The following KDM4B variants were observed in gnomAD, a reference collection of about 807,000 sequenced individuals.
The protein encoded by KDM4B is lysine-specific demethylase 4B.
Under a neutral mutation model 125.2 loss-of-function variants are expected in KDM4B, and 32 were observed. The observed-to-expected ratio is 0.26, with a 90% CI of 0.19 to 0.34. KDM4B has a LOEUF of 0.34. KDM4B is among the 10% of genes least tolerant of loss of function. KDM4B has a pLI of 1.00. For synonymous variants in KDM4B, 721 were observed against 677.9 expected (o/e 1.06, Z -0.99); for missense variants, 1,190 against 1,577.7 (o/e 0.75, Z 4.16).
rs752323981 is a variant in KDM4B, at chr19:5,119,783, G to A, written c.1246G>A (p.Val416Ile). Residue 416 changes from valine to isoleucine, a missense_variant, in exon 11 of 23, where the codon GTT becomes ATT. This residue lies in a region of KDM4B where 428 missense variants were observed against 405.1 expected (regional missense o/e 1.06). Transcript: ENST00000159111. ...CGTGAAGGAGGAGGCTGGGCCGGAG[G>A]TTGACCCCGAGGAGGAGGAGGAGGA... ...GSVKEEAGPE[V>I]DPEEEEEEPQ... 6.6e-5 allele frequency: 102 copies of A among 1,544,786 alleles called. No individual in the cohort carries two copies. The Middle Eastern group carries it at 6.9e-4, about 10-fold the overall frequency.
intron 11 of KDM4B, among the ~76,000 whole-genome samples, chr19:5,130,527 C>T (rs561362739): frequency 5.9e-5 from 9 of 152,340 alleles, no homozygotes; most frequent in Admixed American, 3.9e-4. Context: ...CTCATGTGAC[C>T]GCCAGGTTGG....
rs1011489983 is a variant in KDM4B, at chr19:5,142,363, G to A, written c.2551-1604G>A. 9.8e-5 allele frequency among the ~76,000 whole-genome samples: 15 copies of A among 152,322 alleles called. No individual in the cohort carries two copies. Among genetic ancestry groups the A allele is most frequent in the African/African-American group, 3.1e-4 (13 of 41,582 alleles). Reference sequence around the variant, plus strand: ...GCCCGACCTCCTGTGGCCACAGCGCGTGGCGTGACTGGACCTCGCCTTAGT... The same window carrying A: ...GCCCGACCTCCTGTGGCCACAGCGCATGGCGTGACTGGACCTCGCCTTAGT... On this transcript the variant is annotated intron_variant, in intron 18 of 22. Transcript: ENST00000159111. This position sits in a 1 kb window ranked among gnomAD's most constrained non-coding sequence, Gnocchi z 5.4.
intron 6 of KDM4B, among the ~76,000 whole-genome samples, chr19:5,050,411 G>A (rs56255570): frequency 0.067 from 10,252 of 152,312 alleles, 446 homozygotes; most frequent in Middle Eastern, 0.13. Flanking sequence ...ACTTCCCCCC[G>A]CCAACTTCCC....
Position 5,131,257 on chromosome 19 carries a change from G to A in KDM4B, c.1497G>A (p.Glu499=), listed in dbSNP as rs2039539036. Reference sequence around the variant, plus strand: ...GCCCAGGCCCTGCAGCCATGGAGGAGAGCCCCCTGCCGGCACCCCTTAATG... The same window carrying A: ...GCCCAGGCCCTGCAGCCATGGAGGAAAGCCCCCTGCCGGCACCCCTTAATG... ...VLGPGPAAME[E]SPLPAPLNVV... Residue 499 remains glutamate, a synonymous_variant, in exon 12 of 23, where the codon GAG becomes GAA. Transcript: ENST00000159111. 1 of 1,609,832 alleles carries A rather than the reference G, an allele frequency of 6.2e-7. No homozygotes were observed. The highest frequency in any genetic ancestry group is 8.5e-7 in the Non-Finnish European group (1 of 1,178,442).
intron 8 of KDM4B, chr19:5,080,798 C>T (rs1167744096): frequency 6.6e-6 from 1 of 152,242 alleles, no homozygotes; most frequent in Admixed American, 6.5e-5. Context: ...ACAGCCCGCA[C>T]GTCCATCAAC....
intron 1 of KDM4B, among the ~76,000 whole-genome samples, chr19:4,973,984 A>G (rs1054331546): frequency 1.3e-5 from 2 of 151,806 alleles, no homozygotes; most frequent in Non-Finnish European, 2.9e-5. Flanking sequence ...AAAAAAATTA[A>G]CTGGGCGTGG....
chr19:5,014,425 C>T lies in KDM4B; in HGVS notation c.-108-1832C>T, dbSNP rs530225266. On this transcript the variant is annotated intron_variant, in intron 1 of 22. Transcript: ENST00000159111. Reference sequence around the variant, plus strand: ...CCGAGTAGCTGGGACTGCAGGCGCCCGCCACCACGCCTGGCTAATTTTTTG... The same window carrying T: ...CCGAGTAGCTGGGACTGCAGGCGCCTGCCACCACGCCTGGCTAATTTTTTG... Among the ~76,000 whole-genome samples, 122 of 152,228 alleles carry T rather than the reference C, an allele frequency of 8.0e-4. 1 individual carries two copies. The highest frequency in any genetic ancestry group is 2.3e-3 in the African/African-American group (96 of 41,556).
rs146701782 is a variant in KDM4B, at chr19:5,110,817, A to C, written c.1114A>C (p.Arg372=). 5.3e-4 allele frequency: 838 copies of C among 1,572,188 alleles called. No individual in the cohort carries two copies. Among genetic ancestry groups the C allele is most frequent in the Non-Finnish European group, 6.7e-4 (780 of 1,160,010 alleles). Residue 372 remains arginine, a splice_region_variant and synonymous_variant, in exon 10 of 23, where the codon AGG becomes CGG. Transcript: ENST00000159111. ...CTCGCTGAAGGCCAAGCTCCTCCGCAGGTGAGTTGCCAAGGGACTGCCGCG... is the reference window on the plus strand; with the variant it reads ...CTCGCTGAAGGCCAAGCTCCTCCGCCGGTGAGTTGCCAAGGGACTGCCGCG... The part of the protein sequence containing the change: ...RASLKAKLLR[R]SHRKRSQPKK...
At chr19:4,987,743 A>G (rs7245584) in intron 1 of KDM4B, among the ~76,000 whole-genome samples, 9,781 of 151,582 alleles carry the variant, frequency 0.065, 972 homozygotes, top group African/African-American at 0.21. Context: ...TGTTTTAAAG[A>G]CCTCTCTGGT....
At chr19:5,065,812 G>T (rs2037750898) in intron 6 of KDM4B, among the ~76,000 whole-genome samples, 1 of 152,228 alleles carries the variant, frequency 6.6e-6, no homozygotes, top group South Asian at 2.1e-4. Context: ...CCATGGCAAA[G>T]GTTCGCCCAC....
intron 9 of KDM4B, among the ~76,000 whole-genome samples, chr19:5,090,345 G>A (rs577016717): frequency 1.2e-4 from 17 of 140,178 alleles, no homozygotes; most frequent in East Asian, 4.2e-4. Flanking sequence ...CAGTGGTAAC[G>A]TTCTCTCTCT....
At chr19:5,077,327 C>A in intron 7 of KDM4B, 40 bp from the exon 8 acceptor site, 1 of 1,573,308 alleles carries the variant, frequency 6.4e-7, no homozygotes, top group South Asian at 1.1e-5. Flanking sequence ...CCCCGGCCGG[C>A]TGTGGCCCAG....
chr19:5,040,731 C>T (rs762590490), intron 4 of KDM4B, among the ~76,000 whole-genome samples: 25 of 111,236 alleles, frequency 2.2e-4, no homozygotes, highest in Middle Eastern at 4.3e-3. Flanking sequence ...CTGAGGTTCA[C>T]GTGCCTTGTG....
intron 6 of KDM4B, 130 bp from the exon 7 acceptor site, chr19:5,070,880 C>G: frequency 9.9e-6 from 9 of 908,198 alleles, no homozygotes; most frequent in Non-Finnish European, 1.6e-5. Flanking sequence ...TCCACACAGT[C>G]CTGACCATGA....
intron 7 of KDM4B, chr19:5,076,214 C>T (rs1456626270): frequency 3.7e-5 from 2 of 53,586 alleles, no homozygotes; most frequent in Non-Finnish European, 6.9e-5. Flanking sequence ...AGCGGCCACA[C>T]TGCGTCCTTT....
At position 4,997,072 on chromosome 19, in the gene KDM4B, C is replaced by A. The variant is rs941175509; in HGVS notation, c.-108-19185C>A. On this transcript the variant is annotated intron_variant, in intron 1 of 22. Coordinates refer to ENST00000159111, the MANE Select transcript of KDM4B (RefSeq NM_015015.3). The surrounding 1 kb of genome is among the most constrained non-coding windows in gnomAD (Gnocchi z 4.2). Reference sequence around the variant, plus strand: ...GCATCCCTGGCCTCCACCCCCTCCACGCCAGCACCACCCTCAGTCGTGACA... The same window carrying A: ...GCATCCCTGGCCTCCACCCCCTCCAAGCCAGCACCACCCTCAGTCGTGACA... 2.0e-5 allele frequency among the ~76,000 whole-genome samples: 3 copies of A among 152,142 alleles called. No individual in the cohort carries two copies. The highest frequency in any genetic ancestry group is 7.2e-5 in the African/African-American group (3 of 41,416).
Position 5,027,342 on chromosome 19 carries a change from G to A in KDM4B, c.-25-5524G>A, listed in dbSNP as rs147384996. 1.5e-3 allele frequency among the ~76,000 whole-genome samples: 232 copies of A among 152,272 alleles called. 1 individual carries two copies. Among genetic ancestry groups the A allele is most frequent in the African/African-American group, 5.3e-3 (222 of 41,548 alleles). On this transcript the variant is annotated intron_variant, in intron 2 of 22. Coordinates refer to ENST00000159111, the MANE Select transcript of KDM4B (RefSeq NM_015015.3). ...CACTCCATAGTGTTGGCTCACACCC[G>A]GCTGTTTCCCACGCCTCCCCGCGTG...
At chr19:5,110,031 G>A (rs1055959909) in intron 9 of KDM4B, among the ~76,000 whole-genome samples, 2 of 152,218 alleles carry the variant, frequency 1.3e-5, no homozygotes, top group Non-Finnish European at 2.9e-5. Flanking sequence ...GCGTGGGGCA[G>A]TGCCCAGTCC....
intron 9 of KDM4B, among the ~76,000 whole-genome samples, chr19:5,084,304 A>G (rs1192207399): frequency 1.4e-5 from 2 of 146,298 alleles, no homozygotes; most frequent in South Asian, 2.1e-4. Context: ...TATAATTTAT[A>G]TATTATGTAT....
Sources: allele counts gnomAD v4.1 joint callset (sites outside exome capture counted in the v4.1 genomes callset), GRCh38; gene constraint gnomAD v4.1.1; regional missense constraint gnomAD v4.1.1; non-coding constraint Gnocchi (gnomAD v3.1); transcripts MANE v1.5; gene names NCBI Gene and HGNC (gene_info 2026-07-23, HGNC 2026-07-21).